PRKRA: variants seen among roughly 807,000 people sequenced by gnomAD.
PRKRA encodes interferon-inducible double-stranded RNA-dependent protein kinase activator A.
A neutral mutation model predicts 32.4 loss-of-function variants in PRKRA; 22 were observed. The ratio of observed to expected loss-of-function variants is 0.68; its 90% CI spans 0.49 to 0.97. The LOEUF (loss-of-function observed/expected upper bound fraction) is 0.97. Among genes scored for constraint, PRKRA ranks in the 50% least tolerant of loss-of-function variants. The pLI, the probability that PRKRA is intolerant of heterozygous loss-of-function variation, is 0.00. For missense variants in PRKRA, 319 were observed against 375.6 expected (o/e 0.85, Z 1.25); for synonymous variants, 139 against 129.8 (o/e 1.07, Z -0.48).
rs1697243509 is a variant in PRKRA at position 178,444,500 on chromosome 2, G to A, written c.318C>T (p.Cys106=). The A allele has an allele frequency of 1.3e-6, 2 of 1,579,842 alleles. No individual in the cohort carries two copies. The highest frequency in any genetic ancestry group is 1.7e-6 in the Non-Finnish European group (2 of 1,148,912). ...GCATTAAGGGGTCAGGAACTGCAAA[G>A]CTAAATATTTTTTAAAAGTGTTATA... The part of the protein sequence containing the change: ...INILKANASI[C]FAVPDPLMPD... Residue 106 remains cysteine, a splice_region_variant and synonymous_variant, in exon 4 of 8, where the codon TGC becomes TGT. Coordinates refer to ENST00000325748, the MANE Select transcript of PRKRA (RefSeq NM_003690.5).
intron 3 of PRKRA, among the ~76,000 whole-genome samples, chr2:178,446,617 T>C (rs1418087956): frequency 1.3e-5 from 2 of 152,172 alleles, no homozygotes; most frequent in African/African-American, 4.8e-5. Flanking sequence ...TGTAAGTGTA[T>C]GCACAAGAAG....
In PRKRA at chr2:178,447,555, A is replaced by C; in HGVS notation, c.267T>G (p.His89Gln). The C allele has an allele frequency of 6.2e-7, 1 of 1,614,156 alleles. No homozygotes were observed. Among genetic ancestry groups the C allele is most frequent in the Non-Finnish European group, 8.5e-7 (1 of 1,179,992 alleles). ...TGTTTATGGCAGCCTCTGCAGCTCT[A>C]TGTTTCGCCAGCTTCTTACTTGTAC... ...GEGTSKKLAKHRAAEAAINIL... is the reference protein window; with the variant it reads ...GEGTSKKLAKQRAAEAAINIL... Residue 89 changes from histidine (H) to glutamine (Q), a missense_variant, in exon 3 of 8, where the codon CAT (histidine) becomes CAG (glutamine). His to Gln is a conservative substitution (Grantham distance 24). Transcript: ENST00000325748.
intron 5 of PRKRA, among the ~76,000 whole-genome samples, chr2:178,442,272 G>T (rs1336715514): frequency 1.3e-5 from 2 of 151,964 alleles, no homozygotes; most frequent in East Asian, 1.9e-4. Context: ...TATAATAATT[G>T]TATTTTCCTA....
At chr2:178,432,279 C>A (rs775833337) in intron 7 of PRKRA, 25 bp from the exon 8 acceptor site, 2 of 799,338 alleles carry the variant, frequency 2.5e-6, no homozygotes, top group Non-Finnish European at 3.6e-6. Context: ...TCAAGGATGA[C>A]GATTAATGTC....
chr2:178,449,546 A>G (rs1697460616), intron 2 of PRKRA, among the ~76,000 whole-genome samples: 1 of 152,224 alleles, frequency 6.6e-6, no homozygotes, highest in Non-Finnish European at 1.5e-5. Flanking sequence ...CAAATGAGCA[A>G]CTTTAGTTAT....
chr2:178,443,293 C>A lies in PRKRA; in HGVS notation c.488G>T (p.Cys163Phe). 3 of 1,609,924 alleles carry A rather than the reference C, an allele frequency of 1.9e-6. No homozygotes were observed. Among genetic ancestry groups the A allele is most frequent in the Non-Finnish European group, 2.6e-6 (3 of 1,176,342 alleles). ...AGTTTCCATAAATGACTCTAGCCTG[C>A]AAATTGTAGTATATTCTCTCTTATG... ...PAHKREYTTI[C>F]RLESFMETGK... The change falls in exon 5 of 8, where the codon TGC becomes TTC. Residue 163 changes from cysteine (C) to phenylalanine (F), a missense_variant. Coordinates refer to ENST00000325748, the MANE Select transcript of PRKRA (RefSeq NM_003690.5).
chr2:178,444,479 T>C lies in PRKRA; in HGVS notation c.339A>G (p.Leu113=). The C allele has an allele frequency of 1.2e-6, 2 of 1,604,892 alleles. No homozygotes were observed. Among genetic ancestry groups the C allele is most frequent in the Non-Finnish European group, 1.7e-6 (2 of 1,171,798 alleles). ...TTGGTTGCTTGGAAGGGTCAGGCAT[T>C]AAGGGGTCAGGAACTGCAAAGCTAA... The part of the protein sequence containing the change: ...ASICFAVPDP[L]MPDPSKQPKN... The change falls in exon 4 of 8, where the codon TTA becomes TTG. Residue 113 remains leucine, a synonymous_variant. Coordinates refer to ENST00000325748, the MANE Select transcript of PRKRA (RefSeq NM_003690.5).
intron 1 of PRKRA, chr2:178,450,675 G>A: frequency 7.0e-7 from 1 of 1,421,958 alleles, no homozygotes; most frequent in Non-Finnish European, 9.1e-7. Context: ...AACAGGGCTG[G>A]CAGCAGCGCC....
chr2:178,433,050 T>C (rs769203685), intron 7 of PRKRA, among the ~76,000 whole-genome samples: 1 of 152,222 alleles, frequency 6.6e-6, no homozygotes, highest in Non-Finnish European at 1.5e-5. Flanking sequence ...TTTTTGATAC[T>C]CTATTTAGTG....
chr2:178,433,277 G>C (rs1458615306), intron 7 of PRKRA: 1 of 152,170 alleles, frequency 6.6e-6, no homozygotes, highest in East Asian at 1.9e-4. Context: ...GATGTTTTGG[G>C]CTGTTTCTAC....
Position 178,451,112 on chromosome 2 carries a change from G to A in PRKRA, c.-82C>T, listed in dbSNP as rs962085026. The A allele has an allele frequency of 3.4e-5, 50 of 1,464,062 alleles. No individual in the cohort carries two copies. The highest frequency in any genetic ancestry group is 4.2e-5 in the Admixed American group (2 of 47,344). 90.7% of individuals were successfully genotyped at this position (1,464,062 alleles called of 1,614,324 possible). A position where few individuals can be genotyped will look rare whatever the true frequency, so the allele number is the denominator to read the frequency against. Reference sequence around the variant, plus strand: ...CTCCCCGGGTCGCTGGTCCCCGGGAGGAGCTCCAGCGCCGCCACCTCCTCC... The same window carrying A: ...CTCCCCGGGTCGCTGGTCCCCGGGAAGAGCTCCAGCGCCGCCACCTCCTCC... On this transcript the variant is annotated 5_prime_UTR_variant, in exon 1 of 8. Transcript: ENST00000325748.
chr2:178,439,402 T>C (rs960700599), intron 6 of PRKRA: 1 of 152,210 alleles, frequency 6.6e-6, no homozygotes, highest in Non-Finnish European at 1.5e-5. Flanking sequence ...TTTTAATTAT[T>C]CTGGTTGTTA....
At chr2:178,450,651 G>A in intron 1 of PRKRA, 1 of 1,441,426 alleles carries the variant, frequency 6.9e-7, no homozygotes, top group South Asian at 1.5e-5. Flanking sequence ...GCGGGTAGGA[G>A]AGATTCTCAA....
intron 6 of PRKRA, chr2:178,440,249 TTGTATA>T (rs777672408): frequency 1.3e-5 from 2 of 152,192 alleles, no homozygotes; most frequent in Non-Finnish European, 2.9e-5. Flanking sequence ...TATTACTCAT[TTGTATA>T]TAGTCTTTGA....
At chr2:178,444,622 G>A in intron 3 of PRKRA, 122 bp from the exon 4 acceptor site, 1 of 795,314 alleles carries the variant, frequency 1.3e-6, no homozygotes, top group South Asian at 1.5e-5. Flanking sequence ...TACATGGAAT[G>A]CCCTTTTCTC....
In PRKRA at chr2:178,436,129, G is replaced by GA. The variant is rs200581051; in HGVS notation, c.784+15dup. On this transcript the variant is annotated intron_variant, in intron 7 of 7. Coordinates refer to ENST00000325748, the MANE Select transcript of PRKRA (RefSeq NM_003690.5). ...ATAAACATGTCTTGGGAAAGCCAAA[G>GA]AAAAAAAAATCATACCTATATCCAA... 286 of 811,540 alleles carry GA rather than the reference G, an allele frequency of 3.5e-4. No individual in the cohort carries two copies. The highest frequency in any genetic ancestry group is 3.9e-4 in the Non-Finnish European group (221 of 566,500). The allele number at this position is 811,540 out of a possible 1,614,324, so 50.3% of individuals were successfully genotyped here. A position where few individuals can be genotyped will look rare whatever the true frequency, so the allele number is the denominator to read the frequency against.
chr2:178,441,822 G>C, intron 5 of PRKRA, 118 bp from the exon 6 acceptor site: 1 of 711,528 alleles, frequency 1.4e-6, no homozygotes, highest in Non-Finnish European at 2.4e-6. Context: ...TTATATACTA[G>C]ACTATGTTCT....
At chr2:178,436,109 C>T in intron 7 of PRKRA, 36 bp downstream of exon 7, 1 of 1,544,580 alleles carries the variant, frequency 6.5e-7, no homozygotes, top group Non-Finnish European at 8.9e-7. Flanking sequence ...TTTAAATAAA[C>T]ATGTCTTGGG....
intron 6 of PRKRA, 47 bp downstream of exon 6, chr2:178,441,563 A>C: frequency 2.7e-5 from 30 of 1,114,714 alleles, no homozygotes; most frequent in Non-Finnish European, 3.6e-5. Flanking sequence ...TTCCTACTGC[A>C]AGAAATGCTT....
Sources: allele counts gnomAD v4.1 joint callset (sites outside exome capture counted in the v4.1 genomes callset), GRCh38; gene constraint gnomAD v4.1.1; transcripts MANE v1.5; gene names NCBI Gene and HGNC (gene_info 2026-07-23, HGNC 2026-07-21).